The following DCTN5 variants were observed in gnomAD, a reference collection of about 807,000 sequenced individuals.
The protein encoded by DCTN5 is dynactin subunit 5.
Under a neutral mutation model 23.5 loss-of-function variants are expected in DCTN5, and 14 were observed. The ratio of observed to expected loss-of-function variants is 0.60; its 90% confidence interval spans 0.39 to 0.93. DCTN5 has a LOEUF of 0.93. Ranked by LOEUF, DCTN5 falls within the 40% of genes least tolerant of loss-of-function variation. The pLI, the probability that DCTN5 is intolerant of heterozygous loss-of-function variation, is 0.00. For missense variants in DCTN5, 156 were observed against 225.9 expected, an observed-to-expected ratio of 0.69 and a Z score of 1.98; for synonymous variants, 67 against 79.6, an observed-to-expected ratio of 0.84 and a Z score of 0.84.
At chr16:23,642,285 G>A (rs1332395770) in intron 1 of DCTN5, among the ~76,000 whole-genome samples, 3 of 152,266 alleles carry the variant, frequency 2.0e-5, no homozygotes, top group Non-Finnish European at 2.9e-5. Context: ...CTTGGAAACA[G>A]GGCAAGTGGT....
chr16:23,665,346 A>G (rs1014033875), intron 4 of DCTN5, among the ~76,000 whole-genome samples: 7 of 152,190 alleles, frequency 4.6e-5, no homozygotes, highest in African/African-American at 1.7e-4. Flanking sequence ...TCAAAGGGAA[A>G]ATTCAACAGA....
At chr16:23,642,859 GTTTT>G (rs954812049) in intron 1 of DCTN5, 92 bp from the exon 2 acceptor site, 3 of 1,113,632 alleles carry the variant, frequency 2.7e-6, no homozygotes, top group Admixed American at 1.7e-5. Context: ...CCCACTTTAT[GTTTT>G]TTTCTCTCAA....
intron 2 of DCTN5, among the ~76,000 whole-genome samples, chr16:23,643,789 G>T (rs1315839826): frequency 1.3e-5 from 2 of 152,076 alleles, no homozygotes; most frequent in Non-Finnish European, 2.9e-5. Flanking sequence ...AATATGCAAA[G>T]TGGAATCTGA....
At chr16:23,654,734 C>A (rs567926303) in intron 2 of DCTN5, among the ~76,000 whole-genome samples, 1 of 152,068 alleles carries the variant, frequency 6.6e-6, no homozygotes, top group Admixed American at 6.5e-5. Flanking sequence ...ATATTTGTGC[C>A]CATTAATTAA....
Position 23,667,066 on chromosome 16 carries a change from C to G in DCTN5, c.471C>G (p.Leu157=). ...SGCPGLFSGE[L]PECTQELMID... The stretch of plus-strand genomic sequence containing the variant: ...CCCCAGGACTCTTCTCAGGGGAGCT[C>G]CCGGAGTGCACTCAGGAGCTGATGA... Residue 157 remains leucine, a synonymous_variant, in exon 6 of 6, where the codon CTC becomes CTG. Coordinates refer to ENST00000300087, the MANE Select transcript of DCTN5 (RefSeq NM_032486.4). 1 of 1,613,762 alleles carries G rather than the reference C, an allele frequency of 6.2e-7. No individual in the cohort carries two copies. The highest frequency in any genetic ancestry group is 8.5e-7 in the Non-Finnish European group (1 of 1,180,012).
Position 23,665,222 on chromosome 16 carries a change from G to T in DCTN5, c.349-404G>T, listed in dbSNP as rs934154843. ...TGGGGTTTGGTGTGTGGGCTGGGGGGTGAAGCACATGGATGAGATGGGGAT... is the reference window on the plus strand; with the variant it reads ...TGGGGTTTGGTGTGTGGGCTGGGGGTTGAAGCACATGGATGAGATGGGGAT... On this transcript the variant is annotated intron_variant, in intron 4 of 5. Coordinates refer to ENST00000300087, the MANE Select transcript of DCTN5 (RefSeq NM_032486.4). 2.6e-5 allele frequency among the ~76,000 whole-genome samples: 4 copies of T among 152,276 alleles called. No homozygotes were observed. The East Asian group carries it at 7.7e-4, about 29-fold the overall frequency.
At position 23,670,702 on chromosome 16, in the gene DCTN5, G is replaced by A. The variant is rs893848062; in HGVS notation, c.*3558G>A. 1 of 152,158 alleles carries A rather than the reference G, an allele frequency of 6.6e-6. No individual in the cohort carries two copies. Among genetic ancestry groups the A allele is most frequent in the Non-Finnish European group, 1.5e-5 (1 of 68,040 alleles). The allele number at this position is 152,158 out of a possible 1,614,324, so 9.4% of individuals were successfully genotyped here. On this transcript the variant is annotated 3_prime_UTR_variant, in exon 6 of 6. Coordinates refer to ENST00000300087, the MANE Select transcript of DCTN5 (RefSeq NM_032486.4). ...TTGGGACAGCGTGTCCGAAGGCCTG[G>A]TTTTTTCAGAACTGGTCTCAGCAAA...
chr16:23,648,344 CTTT>C (rs960786045), intron 2 of DCTN5, among the ~76,000 whole-genome samples: 1 of 105,522 alleles, frequency 9.5e-6, no homozygotes, highest in Non-Finnish European at 2.0e-5. Context: ...TTTCTTTTTT[CTTT>C]TTTTTTTTTT....
intron 2 of DCTN5, chr16:23,657,351 A>G (rs1967724401): frequency 3.5e-6 from 1 of 282,412 alleles, no homozygotes; most frequent in Admixed American, 4.9e-5. Context: ...AGCTGCACAG[A>G]AGGCTTAGGC....
At chr16:23,655,533 G>A (rs1967686424) in intron 2 of DCTN5, among the ~76,000 whole-genome samples, 1 of 151,496 alleles carries the variant, frequency 6.6e-6, no homozygotes, top group Admixed American at 6.6e-5. Flanking sequence ...GTGCCACCAT[G>A]CCCTGCTTAA....
At chr16:23,645,124 TATATATATATATA>T (rs1567228491) in intron 2 of DCTN5, among the ~76,000 whole-genome samples, 405 of 39,860 alleles carry the variant, frequency 0.01, 33 homozygotes, top group African/African-American at 0.04. Flanking sequence ...TATATATATA[TATATATATATATA>T]TTTTTTTTTT....
chr16:23,649,151 G>A (rs148891354), intron 2 of DCTN5, among the ~76,000 whole-genome samples: 10 of 152,264 alleles, frequency 6.6e-5, no homozygotes, highest in African/African-American at 2.4e-4. Context: ...ATGAGCCACC[G>A]TGCCTGGCTG....
intron 2 of DCTN5, among the ~76,000 whole-genome samples, chr16:23,655,291 T>C (rs1232634712): frequency 6.6e-6 from 1 of 152,230 alleles, no homozygotes; most frequent in Admixed American, 6.5e-5. Flanking sequence ...TCTGACATTT[T>C]TGCTTCATCT....
At chr16:23,653,938 G>T (rs1342778497) in intron 2 of DCTN5, among the ~76,000 whole-genome samples, 2 of 152,128 alleles carry the variant, frequency 1.3e-5, no homozygotes, top group African/African-American at 4.8e-5. Flanking sequence ...ATGACAAAAA[G>T]CTCAACATCA....
At chr16:23,658,462 C>A in intron 2 of DCTN5, 45 bp from the exon 3 acceptor site, 1 of 1,286,070 alleles carries the variant, frequency 7.8e-7, no homozygotes, top group Non-Finnish European at 1.1e-6. Flanking sequence ...TTTGTTACGT[C>A]TTAGGCTATG....
chr16:23,645,607 A>G (rs1023335290), intron 2 of DCTN5, among the ~76,000 whole-genome samples: 3 of 152,166 alleles, frequency 2.0e-5, no homozygotes, highest in African/African-American at 4.8e-5. Flanking sequence ...TTCTGTCTCT[A>G]TGAATTTGCC....
At position 23,676,136 on chromosome 16, in the gene DCTN5, G is replaced by A. The variant is rs1959222109; in HGVS notation, c.*8992G>A. The stretch of plus-strand genomic sequence containing the variant: ...TCAGCCCTGGAAAGCATTTGGGTTA[G>A]CTTCCGCTTACTGGTCAGAGTTATA... On this transcript the variant is annotated 3_prime_UTR_variant, in exon 6 of 6. Transcript: ENST00000300087. 1 of 151,888 alleles carries A rather than the reference G, an allele frequency of 6.6e-6. No homozygotes were observed. Among genetic ancestry groups the A allele is most frequent in the Non-Finnish European group, 1.5e-5 (1 of 68,072 alleles). The allele number at this position is 151,888 out of a possible 1,614,324, so 9.4% of individuals were successfully genotyped here.
At position 23,675,148 on chromosome 16, in the gene DCTN5, C is replaced by T. The variant is rs748635877; in HGVS notation, c.*8004C>T. 5.3e-5 allele frequency: 8 copies of T among 151,984 alleles called. No homozygotes were observed. The highest frequency in any genetic ancestry group is 1.0e-4 in the Non-Finnish European group (7 of 68,014). The allele number at this position is 151,984 out of a possible 1,614,324, so 9.4% of individuals were successfully genotyped here. On this transcript the variant is annotated 3_prime_UTR_variant, in exon 6 of 6. Transcript: ENST00000300087. Reference sequence around the variant, plus strand: ...CACATAATTACCAATTTCTGAATGTCTTTCTGGTTAAGTTGCATAAAAACG... The same window carrying T: ...CACATAATTACCAATTTCTGAATGTTTTTCTGGTTAAGTTGCATAAAAACG...
At chr16:23,661,081 A>T in intron 3 of DCTN5, 89 bp from the exon 4 acceptor site, 1 of 785,324 alleles carries the variant, frequency 1.3e-6, no homozygotes, top group East Asian at 2.7e-5. Context: ...AAGATGATAA[A>T]GTTCAAATTA....
Sources: allele counts gnomAD v4.1 joint callset (sites outside exome capture counted in the v4.1 genomes callset), GRCh38; gene constraint gnomAD v4.1.1; transcripts MANE v1.5; gene names NCBI Gene and HGNC (gene_info 2026-07-23, HGNC 2026-07-21).